PTPRR: variants seen among roughly 807,000 people sequenced by gnomAD.
The protein encoded by PTPRR is protein tyrosine phosphatase receptor type R, also known as receptor-type tyrosine-protein phosphatase R.
PTPRR carries 38 observed loss-of-function variants against 77.2 expected under a neutral mutation model. The observed-to-expected ratio is 0.49, with a 90% CI of 0.38 to 0.65. The LOEUF is 0.65. Among genes scored for constraint, PTPRR ranks in the 30% least tolerant of loss-of-function variants. The pLI, the probability that PTPRR is intolerant of heterozygous loss-of-function variation, is 0.00. For missense variants in PTPRR, 744 were observed against 799.2 expected (o/e 0.93, Z 0.83); for synonymous variants, 299 against 283.1 (o/e 1.06, Z -0.57).
At chr12:70,776,396 T>C (rs1354858608) in intron 2 of PTPRR, among the ~76,000 whole-genome samples, 1 of 152,208 alleles carries the variant, frequency 6.6e-6, no homozygotes, top group African/African-American at 2.4e-5. Flanking sequence ...CAGTTTTCTG[T>C]GGTCTCTAAT....
intron 2 of PTPRR, among the ~76,000 whole-genome samples, chr12:70,821,976 T>C (rs1390154566): frequency 6.6e-6 from 1 of 152,214 alleles, no homozygotes; most frequent in Non-Finnish European, 1.5e-5. Flanking sequence ...AACCTATGTA[T>C]TTATTAAGTG....
chr12:70,685,437 G>A (rs1887826706), intron 8 of PTPRR, among the ~76,000 whole-genome samples: 1 of 142,922 alleles, frequency 7.0e-6, no homozygotes, highest in Non-Finnish European at 1.5e-5. Flanking sequence ...TTGAGCCTGG[G>A]GCTTCAAGCC....
chr12:70,801,122 G>A (rs887246473), intron 2 of PTPRR, among the ~76,000 whole-genome samples: 5 of 152,136 alleles, frequency 3.3e-5, no homozygotes, highest in African/African-American at 1.2e-4. Context: ...TAAAGATTTA[G>A]GTTATGACCC....
chr12:70,683,183 C>T (rs937245297), intron 10 of PTPRR, among the ~76,000 whole-genome samples: 1 of 152,212 alleles, frequency 6.6e-6, no homozygotes, highest in Non-Finnish European at 1.5e-5. Flanking sequence ...TAAAGGAATG[C>T]TTAGTTTTCT....
chr12:70,727,747 G>A (rs1345127086), intron 6 of PTPRR, among the ~76,000 whole-genome samples: 3 of 152,106 alleles, frequency 2.0e-5, no homozygotes, highest in Non-Finnish European at 2.9e-5. Context: ...GCATCCAAAC[G>A]GCACAGAATG....
At chr12:70,867,293 A>T (rs1044239183) in intron 2 of PTPRR, among the ~76,000 whole-genome samples, 122 of 152,186 alleles carry the variant, frequency 8.0e-4, no homozygotes, top group Admixed American at 4.1e-3. Context: ...AGAAAACCCC[A>T]TTGTCTCAGC....
At chr12:70,756,096 G>A (rs1048071092) in intron 4 of PTPRR, among the ~76,000 whole-genome samples, 3 of 152,016 alleles carry the variant, frequency 2.0e-5, no homozygotes, top group African/African-American at 7.2e-5. Flanking sequence ...TTAGGTGGGT[G>A]GAAAGAGATT....
intron 2 of PTPRR, among the ~76,000 whole-genome samples, chr12:70,823,154 CAG>C: frequency 7.2e-6 from 1 of 139,284 alleles, no homozygotes; most frequent in South Asian, 2.4e-4. Context: ...CACACACACA[CAG>C]AGTTGTCGTT....
chr12:70,841,694 A>G (rs1892400295), intron 2 of PTPRR, among the ~76,000 whole-genome samples: 1 of 147,718 alleles, frequency 6.8e-6, no homozygotes, highest in Non-Finnish European at 1.5e-5. Context: ...TGTCTCAAAT[A>G]TTTTATTTAA....
intron 2 of PTPRR, among the ~76,000 whole-genome samples, chr12:70,773,220 A>T (rs1029825673): frequency 1.3e-5 from 2 of 152,090 alleles, no homozygotes; most frequent in Non-Finnish European, 2.9e-5. Context: ...CTTTTGTTAC[A>T]CCTACAACAA....
chr12:70,777,882 A>G (rs1891123557), intron 2 of PTPRR, among the ~76,000 whole-genome samples: 1 of 152,206 alleles, frequency 6.6e-6, no homozygotes, highest in Admixed American at 6.5e-5. Flanking sequence ...CCACTAAGAT[A>G]TGGGTATGTG....
intron 2 of PTPRR, among the ~76,000 whole-genome samples, chr12:70,809,208 C>T (rs1167102499): frequency 6.6e-6 from 1 of 152,124 alleles, no homozygotes; most frequent in African/African-American, 2.4e-5. Context: ...GTCTCTTTCC[C>T]CTTCCTTCCT....
At chr12:70,918,443 T>C (rs954669551) in intron 1 of PTPRR, among the ~76,000 whole-genome samples, 5 of 152,174 alleles carry the variant, frequency 3.3e-5, no homozygotes, top group Admixed American at 3.3e-4. Context: ...TTATCTTTGT[T>C]TTGCAAATTA....
At chr12:70,755,332 G>A (rs568160623) in intron 4 of PTPRR, among the ~76,000 whole-genome samples, 1 of 152,274 alleles carries the variant, frequency 6.6e-6, no homozygotes, top group South Asian at 2.1e-4. Context: ...AAGGCCTGGA[G>A]TAAAACACGT....
At chr12:70,856,120 C>G (rs1892647407) in intron 2 of PTPRR, among the ~76,000 whole-genome samples, 1 of 152,168 alleles carries the variant, frequency 6.6e-6, no homozygotes, top group Non-Finnish European at 1.5e-5. Context: ...CACTCACTCA[C>G]TCTCACTCAT....
At chr12:70,853,350 C>T (rs1040740497) in intron 2 of PTPRR, among the ~76,000 whole-genome samples, 11 of 152,258 alleles carry the variant, frequency 7.2e-5, no homozygotes, top group African/African-American at 2.4e-4. Context: ...AGCTAGATTG[C>T]AGAATCCAGT....
At chr12:70,775,896 T>G (rs981442915) in intron 2 of PTPRR, among the ~76,000 whole-genome samples, 1 of 152,200 alleles carries the variant, frequency 6.6e-6, no homozygotes, top group Admixed American at 6.5e-5. Flanking sequence ...GCCTTTGAAC[T>G]GAGTAGAGAA....
At position 70,795,913 on chromosome 12, in the gene PTPRR, A is replaced by ATTTTTTTTTTTTTTTTTTTTTTTT. The variant is rs71437157; in HGVS notation, c.358-31159_358-31136dup. Among the ~76,000 whole-genome samples, 10 of 88,356 alleles carry ATTTTTTTTTTTTTTTTTTTTTTTT rather than the reference A, an allele frequency of 1.1e-4. 5 individuals carry two copies. Among genetic ancestry groups the ATTTTTTTTTTTTTTTTTTTTTTTT allele is most frequent in the Non-Finnish European group, 8.8e-5 (4 of 45,284 alleles). The allele number at this position is 88,356 out of a possible 152,430, so 58.0% of individuals were successfully genotyped here. A position where few individuals can be genotyped will look rare whatever the true frequency, so the allele number is the denominator to read the frequency against. On this transcript the variant is annotated intron_variant, in intron 2 of 13. Transcript: ENST00000283228. ...TATATGTTCAAAATGTATTTAGTAGATTTTTTTTTTTTTTTTTTTTTTTTT... is the reference window on the plus strand; with the variant it reads ...TATATGTTCAAAATGTATTTAGTAGATTTTTTTTTTTTTTTTTTTTTTTTTTTTTTTTTTTTTTTTTTTTTTTTT...
intron 2 of PTPRR, among the ~76,000 whole-genome samples, chr12:70,836,744 A>G (rs1009367281): frequency 2.0e-5 from 3 of 150,916 alleles, no homozygotes; most frequent in Non-Finnish European, 3.0e-5. Flanking sequence ...TCTCTTATTC[A>G]CCCTTCAGAT....
Sources: gnomAD v4.1 joint callset for allele counts (sites outside exome capture counted in the v4.1 genomes callset) on GRCh38, gnomAD v4.1.1 for gene constraint, MANE v1.5 for transcripts, NCBI Gene and HGNC (gene_info 2026-07-23, HGNC 2026-07-21) for gene names.